Variants in AGBL4 observed in about 807,000 individuals in gnomAD.
AGBL4 encodes cytosolic carboxypeptidase 6.
AGBL4 carries 58 observed loss-of-function variants against 66.4 expected under a neutral mutation model. That is an observed-to-expected ratio of 0.87 (90% CI 0.71 to 1.09). AGBL4 has a LOEUF of 1.09. AGBL4 is among the 50% of genes least tolerant of loss of function. The pLI, the probability that AGBL4 is intolerant of heterozygous loss-of-function variation, is 0.00. For missense variants in AGBL4, 579 were observed against 631.0 expected (o/e 0.92, Z 0.88); for synonymous variants, 234 against 222.9 (o/e 1.05, Z -0.44).
At chr1:48,651,235 C>T (rs1645924972) in intron 8 of AGBL4, among the ~76,000 whole-genome samples, 1 of 152,154 alleles carries the variant, frequency 6.6e-6, no homozygotes, top group Non-Finnish European at 1.5e-5. Context: ...GAAACCACTT[C>T]TGAGGGTTGG....
At chr1:48,586,645 T>G (rs2148340005) in intron 11 of AGBL4, 1 of 251,298 alleles carries the variant, frequency 4.0e-6, no homozygotes. Flanking sequence ...AAGCTCTTCC[T>G]CAGCAACCCT....
chr1:49,209,571 C>A (rs1479591905), intron 4 of AGBL4, among the ~76,000 whole-genome samples: 2 of 151,966 alleles, frequency 1.3e-5, no homozygotes, highest in Non-Finnish European at 2.9e-5. Flanking sequence ...TGGTAATGTG[C>A]AATTCACAGA....
At chr1:49,277,735 C>T in intron 3 of AGBL4, among the ~76,000 whole-genome samples, 1 of 91,880 alleles carries the variant, frequency 1.1e-5, no homozygotes, top group Admixed American at 1.2e-4. Context: ...GTTGGCATAG[C>T]TGAAAAAAAA....
In AGBL4 at chr1:49,555,181, G is replaced by A. The variant is rs145253293; in HGVS notation, c.282+142132C>T. Among the ~76,000 whole-genome samples the A allele has an allele frequency of 3.5e-3, 540 of 152,180 alleles. 2 individuals are homozygous for A. Among genetic ancestry groups the A allele is most frequent in the South Asian group, 0.011 (52 of 4,826 alleles). On this transcript the variant is annotated intron_variant, in intron 3 of 13. Coordinates refer to ENST00000371839, the MANE Select transcript of AGBL4 (RefSeq NM_032785.4). ...CATTTTACAAAGAACTGATTGGTCCGTTTTGACAGGGTGCTGATTGGTGCA... is the reference window on the plus strand; with the variant it reads ...CATTTTACAAAGAACTGATTGGTCCATTTTGACAGGGTGCTGATTGGTGCA...
intron 4 of AGBL4, among the ~76,000 whole-genome samples, chr1:49,103,150 C>A (rs1645233565): frequency 1.3e-5 from 2 of 152,164 alleles, no homozygotes; most frequent in Admixed American, 1.3e-4. Flanking sequence ...TAGTGCTTAC[C>A]CAATAGTTTC....
intron 5 of AGBL4, among the ~76,000 whole-genome samples, chr1:48,955,004 G>T (rs1182247473): frequency 6.6e-6 from 1 of 152,126 alleles, no homozygotes; most frequent in Non-Finnish European, 1.5e-5. Flanking sequence ...TGATTAAGTG[G>T]TGTGCACAGG....
intron 7 of AGBL4, 41 bp from the exon 8 acceptor site, chr1:48,653,492 CAAG>C (rs1305396816): frequency 1.4e-6 from 2 of 1,408,680 alleles, no homozygotes; most frequent in Non-Finnish European, 1.9e-6. Context: ...CAAAGCATTT[CAAG>C]AAGAAGGAAA....
intron 6 of AGBL4, among the ~76,000 whole-genome samples, chr1:48,801,441 T>C (rs1645804070): frequency 6.6e-6 from 1 of 152,216 alleles, no homozygotes; most frequent in African/African-American, 2.4e-5. Flanking sequence ...CCTCCCTAGT[T>C]TCTCTGGCTG....
intron 3 of AGBL4, among the ~76,000 whole-genome samples, chr1:49,390,060 G>A (rs1388698336): frequency 6.6e-6 from 1 of 151,954 alleles, no homozygotes; most frequent in Non-Finnish European, 1.5e-5. Context: ...TTTCTCTCTG[G>A]TAAATTCAAT....
intron 3 of AGBL4, among the ~76,000 whole-genome samples, chr1:49,302,235 T>C (rs1644758006): frequency 6.6e-6 from 1 of 151,982 alleles, no homozygotes; most frequent in Non-Finnish European, 1.5e-5. Context: ...ATTATGTTTT[T>C]CCTACCCTTC....
At chr1:49,757,657 T>C (rs112283191) in intron 2 of AGBL4, among the ~76,000 whole-genome samples, 12,297 of 152,202 alleles carry the variant, frequency 0.081, 706 homozygotes, top group African/African-American at 0.17. Context: ...TGACTCTTAC[T>C]ATGCTTTAGC....
intron 3 of AGBL4, among the ~76,000 whole-genome samples, chr1:49,442,153 T>C (rs1316748616): frequency 6.6e-6 from 1 of 152,070 alleles, no homozygotes; most frequent in Admixed American, 6.6e-5. Context: ...TAGATACTCT[T>C]TCCCACACTG....
intron 6 of AGBL4, among the ~76,000 whole-genome samples, chr1:48,845,468 C>T (rs915404145): frequency 6.6e-6 from 1 of 152,170 alleles, no homozygotes; most frequent in African/African-American, 2.4e-5. Context: ...ACAGTATGCT[C>T]ACCACACTGG....
At chr1:48,765,547 G>C (rs901357156) in intron 6 of AGBL4, among the ~76,000 whole-genome samples, 2 of 152,180 alleles carry the variant, frequency 1.3e-5, no homozygotes, top group Non-Finnish European at 2.9e-5. Context: ...CTATAACCCA[G>C]CAATTCCGCT....
intron 2 of AGBL4, among the ~76,000 whole-genome samples, chr1:49,825,819 G>A (rs1645494353): frequency 6.6e-6 from 1 of 151,702 alleles, no homozygotes; most frequent in African/African-American, 2.4e-5. Context: ...ATAAACATGT[G>A]AGCCAATTCC....
At chr1:49,956,742 G>T (rs1179971009) in intron 1 of AGBL4, among the ~76,000 whole-genome samples, 4 of 151,928 alleles carry the variant, frequency 2.6e-5, no homozygotes, top group Non-Finnish European at 4.4e-5. Context: ...GGAATCCCAT[G>T]AGGTGCCTCA....
At chr1:49,892,900 A>G (rs1454311970) in intron 1 of AGBL4, among the ~76,000 whole-genome samples, 3 of 152,080 alleles carry the variant, frequency 2.0e-5, no homozygotes, top group Non-Finnish European at 1.5e-5. Context: ...TCTGCTACTG[A>G]CTACTCCTTT....
chr1:48,699,083 A>G (rs1646760542), intron 6 of AGBL4, among the ~76,000 whole-genome samples: 1 of 152,144 alleles, frequency 6.6e-6, no homozygotes. Flanking sequence ...TAGGAGGAGG[A>G]CATCCATAAT....
intron 2 of AGBL4, among the ~76,000 whole-genome samples, chr1:49,725,431 GTATTTATTCTCAAGCTCA>G (rs1382328232): frequency 2.6e-5 from 4 of 152,150 alleles, no homozygotes; most frequent in Admixed American, 2.0e-4. Context: ...ACAACAGTAA[GTATTTATTCTCAAGCTCA>G]TAGGTTTGCA....
Sources: allele counts gnomAD v4.1 joint callset (sites outside exome capture counted in the v4.1 genomes callset), GRCh38; gene constraint gnomAD v4.1.1; transcripts MANE v1.5; gene names NCBI Gene and HGNC (gene_info 2026-07-23, HGNC 2026-07-21).